Variants in DZIP1L observed in about 807,000 individuals in gnomAD.
The protein encoded by DZIP1L is DAZ interacting zinc finger protein 1 like.
A neutral mutation model predicts 88.7 loss-of-function variants in DZIP1L; 90 were observed. The ratio of observed to expected loss-of-function variants is 1.02; its 90% CI spans 0.86 to 1.21. The LOEUF is 1.21. Ranked by LOEUF, DZIP1L falls within the 50% of genes most tolerant of loss-of-function variation. DZIP1L has a pLI of 0.00. For missense variants in DZIP1L, 932 were observed against 955.8 expected (o/e 0.98, Z 0.33); for synonymous variants, 363 against 372.1 (o/e 0.98, Z 0.28).
At position 138,064,304 on chromosome 3, in the gene DZIP1L, G is replaced by C. The variant is rs577470007; in HGVS notation, c.2142+324C>G. 4 of 1,178,798 alleles carry C rather than the reference G, an allele frequency of 3.4e-6. No homozygotes were observed. In the South Asian group the frequency reaches 6.2e-5, roughly 18 times the overall value. The allele number at this position is 1,178,798 out of a possible 1,614,324, so 73.0% of individuals were successfully genotyped here. ...AGGAGCCCACTGTGGGATGAGACCG[G>C]GCTGGAAGAGCAGCTGCTGCAGGAT... On this transcript the variant is annotated intron_variant, in intron 15 of 15. Transcript: ENST00000327532.
At chr3:138,096,819 G>A (rs952714535) in intron 3 of DZIP1L, among the ~76,000 whole-genome samples, 4 of 152,126 alleles carry the variant, frequency 2.6e-5, no homozygotes, top group African/African-American at 9.7e-5. Context: ...AGGAGGAAAA[G>A]TTTTACTTAA....
intron 4 of DZIP1L, among the ~76,000 whole-genome samples, chr3:138,094,175 C>T (rs1412138398): frequency 2.0e-5 from 3 of 152,132 alleles, no homozygotes; most frequent in Non-Finnish European, 4.4e-5. Context: ...CACAGATCAC[C>T]ATAACAGATA....
At chr3:138,101,570 T>G in intron 2 of DZIP1L, 1 of 812,206 alleles carries the variant, frequency 1.2e-6, no homozygotes, top group Non-Finnish European at 2.2e-6. Flanking sequence ...GTGGAGCTGG[T>G]GCGGCTGAAG....
At chr3:138,093,373 T>C (rs574031703) in intron 4 of DZIP1L, among the ~76,000 whole-genome samples, 1 of 152,210 alleles carries the variant, frequency 6.6e-6, no homozygotes, top group Non-Finnish European at 1.5e-5. Flanking sequence ...CGGACTTTCT[T>C]GTTCCATTTT....
At chr3:138,102,381 T>C (rs1576497260) in intron 2 of DZIP1L, 2 of 1,224,960 alleles carry the variant, frequency 1.6e-6, no homozygotes, top group Admixed American at 3.4e-5. Flanking sequence ...CTCATCCTCA[T>C]ACTTGTTCTC....
chr3:138,111,963 T>C (rs576799367), intron 1 of DZIP1L, among the ~76,000 whole-genome samples: 1 of 150,456 alleles, frequency 6.6e-6, no homozygotes, highest in African/African-American at 2.4e-5. Flanking sequence ...GACTGTGCCA[T>C]TGCACTCCAG....
chr3:138,077,453 C>A, intron 11 of DZIP1L, 46 bp downstream of exon 11: 1 of 1,608,308 alleles, frequency 6.2e-7, no homozygotes, highest in South Asian at 1.1e-5. Context: ...CACTTAGTGT[C>A]TAAATCGTAG....
At chr3:138,086,928 C>A (rs1185903719) in intron 7 of DZIP1L, 33 bp downstream of exon 7, 1 of 1,611,206 alleles carries the variant, frequency 6.2e-7, no homozygotes, top group East Asian at 2.2e-5. Context: ...TCACAGGAAA[C>A]CAAGCTCCCC....
chr3:138,104,009 G>A lies in DZIP1L; in HGVS notation c.-38C>T. 6.3e-7 allele frequency: 1 copy of A among 1,576,736 alleles called. No individual in the cohort carries two copies. Among genetic ancestry groups the A allele is most frequent in the South Asian group, 1.2e-5 (1 of 85,614 alleles). ...CCCTGAGCTGACCACCAGAGGAGGGGGGCACCAAGGCCACGGCAGTAGGCC... is the reference window on the plus strand; with the variant it reads ...CCCTGAGCTGACCACCAGAGGAGGGAGGCACCAAGGCCACGGCAGTAGGCC... On this transcript the variant is annotated 5_prime_UTR_variant, in exon 2 of 16. Coordinates refer to ENST00000327532, the MANE Select transcript of DZIP1L (RefSeq NM_173543.3).
intron 2 of DZIP1L, among the ~76,000 whole-genome samples, chr3:138,101,045 CACAT>C (rs1287926777): frequency 6.6e-6 from 1 of 152,098 alleles, no homozygotes; most frequent in Non-Finnish European, 1.5e-5. Flanking sequence ...CCTCTACATA[CACAT>C]ACAAATCCTC....
At chr3:138,081,224 G>C (rs1213148952) in intron 9 of DZIP1L, among the ~76,000 whole-genome samples, 1 of 152,146 alleles carries the variant, frequency 6.6e-6, no homozygotes, top group East Asian at 1.9e-4. Flanking sequence ...GCAGTCCCCT[G>C]TGGGTTGCCG....
At chr3:138,095,814 A>C (rs1413098510) in intron 3 of DZIP1L, among the ~76,000 whole-genome samples, 1 of 152,164 alleles carries the variant, frequency 6.6e-6, no homozygotes, top group African/African-American at 2.4e-5. Flanking sequence ...AAATGGAAAA[A>C]AAAAGCAGCA....
chr3:138,081,903 C>A, intron 8 of DZIP1L, 139 bp from the exon 9 acceptor site: 1 of 705,366 alleles, frequency 1.4e-6, no homozygotes, highest in African/African-American at 1.8e-5. Context: ...GGAAGGAGCT[C>A]AGATGCACCA....
At chr3:138,064,547 A>T in intron 15 of DZIP1L, 81 bp downstream of exon 15, 2 of 1,613,406 alleles carry the variant, frequency 1.2e-6, no homozygotes, top group Non-Finnish European at 1.7e-6. Context: ...GGCCCTCCCC[A>T]ACCTTCACCC....
intron 2 of DZIP1L, chr3:138,102,898 T>G: frequency 1.6e-6 from 1 of 608,312 alleles, no homozygotes; most frequent in Non-Finnish European, 3.0e-6. Flanking sequence ...GTAGGACTTC[T>G]GGGTCACCCT....
Position 138,062,339 on chromosome 3 carries a change from A to G in DZIP1L, c.*477T>C, listed in dbSNP as rs147741948. 361 of 157,688 alleles carry G rather than the reference A, an allele frequency of 2.3e-3. 2 individuals carry two copies. Among genetic ancestry groups the G allele is most frequent in the African/African-American group, 7.8e-3 (325 of 41,612 alleles). 9.8% of individuals were successfully genotyped at this position (157,688 alleles called of 1,614,324 possible). On this transcript the variant is annotated 3_prime_UTR_variant, in exon 16 of 16. Transcript: ENST00000327532. ...CCAGCCTCTGCCTGCACCCTAACTC[A>G]GTAGTGAGAGGCTAGAGAGCCTGGC...
intron 10 of DZIP1L, among the ~76,000 whole-genome samples, chr3:138,080,043 G>A (rs898898957): frequency 3.9e-5 from 6 of 152,050 alleles, no homozygotes; most frequent in South Asian, 2.1e-4. Context: ...AGAGGTCTGC[G>A]AATCAGAGTC....
Position 138,063,028 on chromosome 3 carries a change from T to G in DZIP1L, c.2143-51A>C. On this transcript the variant is annotated intron_variant, in intron 15 of 15. Transcript: ENST00000327532. This position sits in a 1 kb window ranked among gnomAD's most constrained non-coding sequence, Gnocchi z 4.1. ...AATGCATTTTGATAAGGGAGGAGGG[T>G]GGCTGAGAGCTAAGCACATTGCAGG... 7 of 1,584,044 alleles carry G rather than the reference T, an allele frequency of 4.4e-6. No individual in the cohort carries two copies. The highest frequency in any genetic ancestry group is 6.0e-6 in the Non-Finnish European group (7 of 1,161,058).
At chr3:138,104,843 T>A (rs1576503054) in intron 1 of DZIP1L, among the ~76,000 whole-genome samples, 1 of 152,204 alleles carries the variant, frequency 6.6e-6, no homozygotes, top group Admixed American at 6.5e-5. Context: ...GGTGAGCATA[T>A]GAACTGTTCT....
Sources: gnomAD v4.1 joint callset for allele counts (sites outside exome capture counted in the v4.1 genomes callset) on GRCh38, gnomAD v4.1.1 for gene constraint, Gnocchi (gnomAD v3.1) non-coding constraint, MANE v1.5 for transcripts, NCBI Gene and HGNC (gene_info 2026-07-23, HGNC 2026-07-21) for gene names.